DMD: variants seen among roughly 807,000 people sequenced by gnomAD.
DMD encodes the protein mutant dystrophin.
Under a neutral mutation model 330.1 loss-of-function variants are expected in DMD, and 63 were observed. The ratio of observed to expected loss-of-function variants is 0.19; its 90% CI spans 0.16 to 0.24. DMD has a LOEUF of 0.24. Among genes scored for constraint, DMD ranks in the 10% least tolerant of loss-of-function variants. The pLI, the probability that DMD is intolerant of heterozygous loss-of-function variation, is 1.00. For synonymous variants in DMD, 1,223 were observed against 959.8 expected, an observed-to-expected ratio of 1.27 and a Z score of -5.07; for missense variants, 3,344 against 2,684.1, an observed-to-expected ratio of 1.25 and a Z score of -5.43.
At chrX:33,110,411 T>TA in intron 1 of DMD, among the ~76,000 whole-genome samples, 1 of 111,477 alleles carries the variant, frequency 9.0e-6, no homozygotes, top group Non-Finnish European at 1.9e-5. Flanking sequence ...ATTGCAATTG[T>TA]AAAATACTGA....
intron 1 of DMD, among the ~76,000 whole-genome samples, chrX:33,170,030 T>C (rs753659666): frequency 9.0e-6 from 1 of 111,448 alleles, no homozygotes; most frequent in Non-Finnish European, 1.9e-5. Flanking sequence ...CAGGGCAAGA[T>C]GGATACTTTT....
At chrX:32,947,131 G>A (rs1350184836) in intron 2 of DMD, among the ~76,000 whole-genome samples, 2 of 111,893 alleles carry the variant, frequency 1.8e-5, no homozygotes. Flanking sequence ...ATATTGTCCA[G>A]CATATCCTCC....
At chrX:31,763,392 T>A (rs1175556758) in intron 51 of DMD, among the ~76,000 whole-genome samples, 1 of 110,922 alleles carries the variant, frequency 9.0e-6, no homozygotes, top group Non-Finnish European at 1.9e-5. Flanking sequence ...TGAAACCCCA[T>A]CTCTACTAAA....
At chrX:33,021,004 T>G (rs1249543056) in intron 1 of DMD, among the ~76,000 whole-genome samples, 1 of 111,201 alleles carries the variant, frequency 9.0e-6, no homozygotes, top group Non-Finnish European at 1.9e-5. Flanking sequence ...TCCCAGAACT[T>G]AGCACACTGT....
In DMD at chrX:31,478,126, C is replaced by A; in HGVS notation, c.8917G>T (p.Asp2973Tyr). The A allele has an allele frequency of 3.3e-6, 4 of 1,210,877 alleles. No homozygotes were observed. The highest frequency in any genetic ancestry group is 4.5e-6 in the Non-Finnish European group (4 of 895,198). Residue 2973 changes from aspartate (D) to tyrosine (Y), a missense_variant, in exon 59 of 79, where the codon GAT (aspartate) becomes TAT (tyrosine). By Grantham distance (160) the Asp-to-Tyr change is radical. Transcript: ENST00000357033. ...GGTACCTTGACTTTCTCGAGGTGATCTTGGAGAGAGTCAATGAGGAGATCG... is the reference window on the plus strand; with the variant it reads ...GGTACCTTGACTTTCTCGAGGTGATATTGGAGAGAGTCAATGAGGAGATCG... ...VGDLLIDSLQ[D>Y]HLEKVKALRG...
rs1295628004 is a variant in DMD, at chrX:31,909,879, C to T, written c.6912+19717G>A. Among the ~76,000 whole-genome samples the T allele has an allele frequency of 1.0e-4, 11 of 110,498 alleles. No homozygotes were observed. The East Asian group carries it at 2.8e-3, about 28-fold the overall frequency. ...TATGTAACAGTTCAAACATTATGTT[C>T]CAGAAGAGAGAGATTTTTATTTTTT... On this transcript the variant is annotated intron_variant, in intron 47 of 78. Transcript: ENST00000357033.
chrX:32,601,618 T>C (rs2056219431), intron 12 of DMD, among the ~76,000 whole-genome samples: 1 of 108,708 alleles, frequency 9.2e-6, no homozygotes, highest in Non-Finnish European at 1.9e-5. Context: ...GACCAAAACT[T>C]GTGCATGACT....
chrX:32,330,152 G>A (rs930484449), intron 41 of DMD, among the ~76,000 whole-genome samples: 1 of 111,959 alleles, frequency 8.9e-6, no homozygotes, highest in East Asian at 2.8e-4. Context: ...ATGATAGAAT[G>A]TTTTTAAGCA....
chrX:31,932,269 T>A, intron 45 of DMD, 42 bp from the exon 46 acceptor site: 1 of 1,073,156 alleles, frequency 9.3e-7, no homozygotes, highest in East Asian at 3.0e-5. Flanking sequence ...TTTTCCAACA[T>A]AGTTCTCAAA....
chrX:32,185,653 A>G (rs901735325), intron 44 of DMD, among the ~76,000 whole-genome samples: 15 of 111,784 alleles, frequency 1.3e-4, no homozygotes, highest in African/African-American at 4.2e-4. Context: ...TAAATGATAC[A>G]TTTGAGCTTA....
At chrX:32,864,900 A>C (rs745495792) in intron 2 of DMD, among the ~76,000 whole-genome samples, 2 of 112,321 alleles carry the variant, frequency 1.8e-5, no homozygotes, top group East Asian at 5.6e-4. Flanking sequence ...AGTAGTAAAC[A>C]GAAGAAAAAG....
chrX:32,973,803 A>G (rs995630505), intron 2 of DMD, among the ~76,000 whole-genome samples: 5 of 111,935 alleles, frequency 4.5e-5, no homozygotes, highest in African/African-American at 1.6e-4. Flanking sequence ...TAAGTGGGAT[A>G]CCCTGCCAAT....
intron 12 of DMD, among the ~76,000 whole-genome samples, chrX:32,607,228 G>A (rs139480505): frequency 7.3e-5 from 8 of 110,001 alleles, no homozygotes; most frequent in Non-Finnish European, 1.5e-4. Context: ...TTTGGTAGGT[G>A]GTGAGGAAAT....
At chrX:33,239,544 C>G (rs2052552912) in intron 1 of DMD, among the ~76,000 whole-genome samples, 1 of 111,256 alleles carries the variant, frequency 9.0e-6, no homozygotes, top group African/African-American at 3.3e-5. Flanking sequence ...TCGCCCTGAT[C>G]AGATAATATG....
chrX:31,338,309 C>CAAAAAAAAAAAAAAAA (rs752828727), intron 61 of DMD, among the ~76,000 whole-genome samples: 1 of 53,396 alleles, frequency 1.9e-5, no homozygotes, highest in Non-Finnish European at 3.3e-5. Context: ...AGTAAAAATA[C>CAAAAAAAAAAAAAAAA]AAAAAAAAAA....
chrX:31,192,447 TC>T (rs2042466096), intron 67 of DMD, among the ~76,000 whole-genome samples: 1 of 111,958 alleles, frequency 8.9e-6, no homozygotes, highest in African/African-American at 3.3e-5. Context: ...GTGTTTCCAT[TC>T]AGAGAACACT....
rs147350323 is a variant in DMD at position 32,420,631 on chromosome X, G to A, written c.4072-8718C>T. ...GTACAGTAGTGTGACAAAGATCTCA[G>A]AGTGAAAGAACTTTGGAACTCGTTA... On this transcript the variant is annotated intron_variant, in intron 29 of 78. Coordinates refer to ENST00000357033, the MANE Select transcript of DMD (RefSeq NM_004006.3). Among the ~76,000 whole-genome samples the A allele has an allele frequency of 6.9e-3, 774 of 111,625 alleles. 11 individuals carry two copies. Among genetic ancestry groups the A allele is most frequent in the African/African-American group, 0.024 (749 of 30,702 alleles).
chrX:32,447,764 G>C (rs1223259803), intron 27 of DMD, among the ~76,000 whole-genome samples: 12 of 111,770 alleles, frequency 1.1e-4, no homozygotes, highest in Non-Finnish European at 9.5e-5. Flanking sequence ...TGTGCCCCTT[G>C]GCACAGTATT....
chrX:32,471,826 A>T (rs1401652489), intron 22 of DMD, among the ~76,000 whole-genome samples: 1 of 112,001 alleles, frequency 8.9e-6, no homozygotes, highest in African/African-American at 3.2e-5. Context: ...AGAATGTGAC[A>T]GGAGTTACAA....
Sources: allele counts gnomAD v4.1 joint callset (sites outside exome capture counted in the v4.1 genomes callset), GRCh38; gene constraint gnomAD v4.1.1; transcripts MANE v1.5; gene names NCBI Gene and HGNC (gene_info 2026-07-23, HGNC 2026-07-21).